Variants in CPNE4 observed in about 807,000 individuals in gnomAD.
CPNE4 encodes the protein copine-4.
In CPNE4, 25 loss-of-function variants were observed where a neutral mutation model predicts 67.9. The observed-to-expected ratio is 0.37, with a 90% CI of 0.27 to 0.51. The LOEUF is 0.51. CPNE4 is among the 20% of genes least tolerant of loss of function. The pLI, the probability that CPNE4 is intolerant of heterozygous loss-of-function variation, is 0.93. For synonymous variants in CPNE4, 242 were observed against 244.9 expected, an observed-to-expected ratio of 0.99 and a Z score of 0.11; for missense variants, 464 against 690.8, an observed-to-expected ratio of 0.67 and a Z score of 3.68.
chr3:131,893,374 G>A lies in CPNE4; in HGVS notation c.180+11890C>T, dbSNP rs535631906. On this transcript the variant is annotated intron_variant, in intron 2 of 15. Transcript: ENST00000429747. ...AGAGGTAGTCAGCAATACAGTAATC[G>A]TAGGAGGCTTCAACACCCAACTTTC... Among the ~76,000 whole-genome samples the A allele has an allele frequency of 9.9e-5, 15 of 152,068 alleles. No homozygotes were observed. The East Asian group carries it at 1.2e-3, about 12-fold the overall frequency.
intron 7 of CPNE4, among the ~76,000 whole-genome samples, chr3:131,592,059 T>C (rs1938562197): frequency 6.6e-6 from 1 of 152,184 alleles, no homozygotes; most frequent in Admixed American, 6.5e-5. Context: ...CCCCTCCTTT[T>C]ACAGAAAAGA....
At chr3:131,889,566 T>G (rs1343232441) in intron 2 of CPNE4, among the ~76,000 whole-genome samples, 1 of 152,250 alleles carries the variant, frequency 6.6e-6, no homozygotes, top group African/African-American at 2.4e-5. Flanking sequence ...GCCAAGAGTT[T>G]ATTTTTCTTC....
chr3:131,613,175 A>G (rs1373422171), intron 7 of CPNE4, among the ~76,000 whole-genome samples: 2 of 152,192 alleles, frequency 1.3e-5, no homozygotes, highest in Non-Finnish European at 2.9e-5. Context: ...ATTAGTGAAT[A>G]GTTTTAGCAA....
chr3:131,914,278 T>G (rs1295391428), intron 1 of CPNE4, among the ~76,000 whole-genome samples: 1 of 152,162 alleles, frequency 6.6e-6, no homozygotes, highest in African/African-American at 2.4e-5. Flanking sequence ...TTCTGCCTCC[T>G]TATAGGTTAG....
intron 2 of CPNE4, among the ~76,000 whole-genome samples, chr3:131,854,565 T>C (rs2086362264): frequency 1.3e-5 from 2 of 151,892 alleles, no homozygotes; most frequent in Admixed American, 6.6e-5. Context: ...TGGTTAAAAA[T>C]GGTTCCCAAA....
intron 1 of CPNE4, among the ~76,000 whole-genome samples, chr3:131,942,455 TGTGTGTGTGAGAGAGAGA>T (rs1201939083): frequency 4.8e-4 from 30 of 62,244 alleles, no homozygotes; most frequent in African/African-American, 2.1e-3. Flanking sequence ...TGTGTGTGTG[TGTGTGTGTGAGAGAGAGA>T]GAGAGAGAGA....
At chr3:131,816,465 A>G (rs1034979948) in intron 2 of CPNE4, among the ~76,000 whole-genome samples, 1 of 152,152 alleles carries the variant, frequency 6.6e-6, no homozygotes, top group Non-Finnish European at 1.5e-5. Context: ...TACTTTTCCT[A>G]GCTTGTTTTT....
chr3:131,579,065 T>A (rs1937628190), intron 9 of CPNE4, among the ~76,000 whole-genome samples: 1 of 152,208 alleles, frequency 6.6e-6, no homozygotes, highest in Admixed American at 6.5e-5. Flanking sequence ...AGAGAAGAAG[T>A]CACTGCCTGG....
At chr3:132,036,534 T>C (rs2074342267), upstream of CPNE4, among the ~76,000 whole-genome samples, 1 of 152,340 alleles carries the variant, frequency 6.6e-6, no homozygotes, top group Non-Finnish European at 1.5e-5. Context: ...TATGAAAATG[T>C]TAAGTCCAAA....
At chr3:131,890,138 A>G (rs1435746120) in intron 2 of CPNE4, among the ~76,000 whole-genome samples, 1 of 152,122 alleles carries the variant, frequency 6.6e-6, no homozygotes, top group Non-Finnish European at 1.5e-5. Context: ...CAGTTAATAG[A>G]CTGAAAAGGG....
chr3:131,690,179 G>T (rs2081001362), intron 5 of CPNE4, among the ~76,000 whole-genome samples: 1 of 152,082 alleles, frequency 6.6e-6, no homozygotes, highest in African/African-American at 2.4e-5. Flanking sequence ...CACAGAATTA[G>T]AAAAAGCTAT....
chr3:131,809,645 G>A (rs1431200622), intron 2 of CPNE4, among the ~76,000 whole-genome samples: 1 of 152,114 alleles, frequency 6.6e-6, no homozygotes, highest in Admixed American at 6.6e-5. Context: ...ATGAAAACCA[G>A]TGGAATATAT....
intron 1 of CPNE4, among the ~76,000 whole-genome samples, chr3:131,982,516 T>C (rs2072933410): frequency 6.6e-6 from 1 of 152,224 alleles, no homozygotes; most frequent in African/African-American, 2.4e-5. Context: ...TATTATGTGC[T>C]GAGTTATTAT....
chr3:131,762,901 A>G (rs1241418506), intron 2 of CPNE4, among the ~76,000 whole-genome samples: 1 of 135,218 alleles, frequency 7.4e-6, no homozygotes, highest in East Asian at 2.2e-4. Flanking sequence ...AAGCTTATAC[A>G]TGCTACGACA....
intron 7 of CPNE4, among the ~76,000 whole-genome samples, chr3:131,657,795 A>T (rs1181044762): frequency 6.6e-6 from 1 of 151,130 alleles, no homozygotes. Flanking sequence ...TAATCTCCTG[A>T]CCTCGTGATC....
At chr3:132,031,939 C>A (rs1288422706) in intron 1 of CPNE4, among the ~76,000 whole-genome samples, 1 of 152,032 alleles carries the variant, frequency 6.6e-6, no homozygotes. Flanking sequence ...TTACATAAAA[C>A]TTCTCTATAA....
chr3:131,870,845 T>C (rs975582671), intron 2 of CPNE4, among the ~76,000 whole-genome samples: 12 of 152,174 alleles, frequency 7.9e-5, no homozygotes, highest in African/African-American at 2.9e-4. Context: ...AGCCACTGTC[T>C]GGTGGGGGAG....
At chr3:131,686,046 C>G in intron 5 of CPNE4, 88 bp from the exon 6 acceptor site, 1 of 733,404 alleles carries the variant, frequency 1.4e-6, no homozygotes. Context: ...AACAGGAAAA[C>G]CCTCTTGATT....
intron 2 of CPNE4, among the ~76,000 whole-genome samples, chr3:131,810,758 C>CAGT (rs1369012637): frequency 6.6e-6 from 1 of 152,030 alleles, no homozygotes; most frequent in Non-Finnish European, 1.5e-5. Flanking sequence ...GCATTGTTCA[C>CAGT]AGTAGCCAAG....
Sources: allele counts gnomAD v4.1 joint callset (sites outside exome capture counted in the v4.1 genomes callset), GRCh38; gene constraint gnomAD v4.1.1; transcripts MANE v1.5; gene names NCBI Gene and HGNC (gene_info 2026-07-23, HGNC 2026-07-21).